Variants in TJP2 observed in about 807,000 individuals in gnomAD.
TJP2 encodes tight junction protein 2.
A neutral mutation model predicts 133.1 loss-of-function variants in TJP2; 91 were observed. The observed-to-expected ratio is 0.68, with a 90% CI of 0.58 to 0.81. The LOEUF is 0.81. TJP2 is among the 40% of genes least tolerant of loss of function. The pLI is 0.00. For missense variants in TJP2, 1,541 were observed against 1,565.6 expected, an observed-to-expected ratio of 0.98 and a Z score of 0.26; for synonymous variants, 592 against 583.4, an observed-to-expected ratio of 1.01 and a Z score of -0.21.
intron 1 of TJP2, chr9:69,205,120 CG>C (rs1827293775): frequency 2.0e-6 from 3 of 1,536,190 alleles, no homozygotes; most frequent in Non-Finnish European, 2.6e-6. Context: ...GTGAGCAGCC[CG>C]GAATGTAGGC....
intron 1 of TJP2, among the ~76,000 whole-genome samples, chr9:69,136,724 A>C (rs1022006470): frequency 6.6e-6 from 1 of 152,126 alleles, no homozygotes; most frequent in African/African-American, 2.4e-5. Flanking sequence ...TCAGCCCATG[A>C]GGGAGAAGGA....
Position 69,221,355 on chromosome 9 carries a change from C to T in TJP2, c.811C>T (p.Arg271Cys). 3.8e-6 allele frequency: 6 copies of T among 1,581,550 alleles called. No homozygotes were observed. The highest frequency in any genetic ancestry group is 5.2e-6 in the Non-Finnish European group (6 of 1,163,916). ...YERAYSPEYRRGARHDARSRG... is the reference protein window; with the variant it reads ...YERAYSPEYRCGARHDARSRG... Reference sequence around the variant, plus strand: ...GCGGGCCTACAGCCCGGAGTACAGGCGCGGGGCCCGCCACGATGCCCGCTC... The same window carrying T: ...GCGGGCCTACAGCCCGGAGTACAGGTGCGGGGCCCGCCACGATGCCCGCTC... The change falls in exon 5 of 23, where the codon CGC becomes TGC. Residue 271 changes from arginine to cysteine, a missense_variant. By Grantham distance (180) the Arg-to-Cys change is radical. Transcript: ENST00000377245.
intron 1 of TJP2, among the ~76,000 whole-genome samples, chr9:69,146,024 C>T (rs1823196564): frequency 6.6e-6 from 1 of 151,724 alleles, no homozygotes; most frequent in Non-Finnish European, 1.5e-5. Context: ...ATTCTAATAC[C>T]CAAGAAGATG....
chr9:69,225,802 G>A (rs1829301620), intron 6 of TJP2, among the ~76,000 whole-genome samples: 1 of 152,190 alleles, frequency 6.6e-6, no homozygotes, highest in Non-Finnish European at 1.5e-5. Context: ...GAGCTTGGAA[G>A]TTAAATAAAT....
chr9:69,245,097 A>G (rs956743171), intron 17 of TJP2, among the ~76,000 whole-genome samples: 77 of 152,338 alleles, frequency 5.1e-4, no homozygotes, highest in Admixed American at 4.8e-3. Flanking sequence ...GAGCACAGTA[A>G]TCTTTGCAGA....
rs1448376083 is a variant in TJP2, at chr9:69,124,205, T to G, written c.-131+2480T>G. 2.8e-5 allele frequency among the ~76,000 whole-genome samples: 2 copies of G among 71,586 alleles called. 1 individual carries two copies. Among genetic ancestry groups the G allele is most frequent in the Non-Finnish European group, 6.3e-5 (2 of 31,892 alleles). The allele number at this position is 71,586 out of a possible 152,430, so 47.0% of individuals were successfully genotyped here. ...TTATTTTATTTTTTGAGACAGAGTC[T>G]TGCTGTGTTTCCAGGCTGGAGTGCA... On this transcript the variant is annotated intron_variant, in intron 1 of 5. Transcript: ENST00000423935.
chr9:69,200,858 G>A (rs961335907), intron 1 of TJP2, among the ~76,000 whole-genome samples: 3 of 152,108 alleles, frequency 2.0e-5, no homozygotes, highest in African/African-American at 7.2e-5. Context: ...ATTTTCCTAG[G>A]ATTAATTCTT....
chr9:69,189,461 T>A (rs1333338644), intron 1 of TJP2, among the ~76,000 whole-genome samples: 1 of 152,120 alleles, frequency 6.6e-6, no homozygotes, highest in Non-Finnish European at 1.5e-5. Flanking sequence ...TCAGATTCAC[T>A]GAGATTCTTG....
chr9:69,146,618 C>G (rs1424349299), intron 1 of TJP2, among the ~76,000 whole-genome samples: 1 of 152,180 alleles, frequency 6.6e-6, no homozygotes, highest in Admixed American at 6.5e-5. Context: ...GAAAATTACC[C>G]ATTGTCCTAT....
chr9:69,178,725 C>T (rs970467629), intron 1 of TJP2, among the ~76,000 whole-genome samples: 1 of 152,198 alleles, frequency 6.6e-6, no homozygotes, highest in African/African-American at 2.4e-5. Context: ...GCCCAATTCT[C>T]ATTCCTTTCT....
At chr9:69,225,942 AT>A in intron 6 of TJP2, 79 bp from the exon 7 acceptor site, 1 of 1,508,370 alleles carries the variant, frequency 6.6e-7, no homozygotes, top group African/African-American at 1.4e-5. Flanking sequence ...AAGCCTTTAC[AT>A]TTTTAGAAGG....
At chr9:69,228,224 G>C (rs1404683826) in intron 9 of TJP2, 110 bp downstream of exon 9, 3 of 1,346,732 alleles carry the variant, frequency 2.2e-6, no homozygotes, top group Non-Finnish European at 3.1e-6. Flanking sequence ...GATGCAGCTG[G>C]AGGCCATTAT....
rs994357573 is a variant in TJP2, at chr9:69,197,980, A to G, written c.61-14568A>G. 2.6e-5 allele frequency among the ~76,000 whole-genome samples: 4 copies of G among 152,348 alleles called. No individual in the cohort carries two copies. In the South Asian group the frequency reaches 8.3e-4, roughly 32 times the overall value. ...TGATGATGCCATCGTTTGATGAAGC[A>G]GCAGTGGAATTGAGTGAGCGCCCAA... On this transcript the variant is annotated intron_variant, in intron 1 of 22. Transcript: ENST00000377245.
At chr9:69,153,782 C>A (rs989264195) in intron 2 of TJP2, among the ~76,000 whole-genome samples, 18 of 152,298 alleles carry the variant, frequency 1.2e-4, no homozygotes, top group African/African-American at 3.4e-4. Context: ...TGTACCTGCA[C>A]TATGAACTGC....
At position 69,237,085 on chromosome 9, in the gene TJP2, G is replaced by T. The variant is rs771853473; in HGVS notation, c.2128G>T (p.Val710Leu). 2.5e-6 allele frequency: 4 copies of T among 1,614,034 alleles called. No homozygotes were observed. The highest frequency in any genetic ancestry group is 2.5e-6 in the Non-Finnish European group (3 of 1,180,042). Residue 710 changes from valine to leucine, a missense_variant, in exon 14 of 23, where the codon GTG becomes TTG. Transcript: ENST00000377245. ...AAGTCGGGAAGACCTCACAGCTGTT[G>T]TGTCTGTCAGCACCAAGTTCCCAGC... Reference protein sequence around the residue: ...RKSREDLTAVVSVSTKFPAYE... With the variant: ...RKSREDLTAVLSVSTKFPAYE...
chr9:69,216,222 T>C, intron 2 of TJP2, 117 bp from the exon 3 acceptor site: 1 of 1,235,704 alleles, frequency 8.1e-7, no homozygotes, highest in Non-Finnish European at 1.2e-6. Context: ...TGTAAGCCCA[T>C]CTGTTCCTGA....
chr9:69,237,021 G>A lies in TJP2; in HGVS notation c.2064G>A (p.Met688Ile). The change falls in exon 14 of 23, where the codon ATG becomes ATA. Residue 688 changes from methionine to isoleucine, a missense_variant. Met to Ile is a conservative substitution (Grantham distance 10). Coordinates refer to ENST00000377245, the MANE Select transcript of TJP2 (RefSeq NM_004817.4). ...NAGDRADFWR[M>I]RGQRSGVKKN... ...GGGACCGGGCAGATTTCTGGAGAATGCGTGGCCAGAGGTCTGGGGTGAAGA... is the reference window on the plus strand; with the variant it reads ...GGGACCGGGCAGATTTCTGGAGAATACGTGGCCAGAGGTCTGGGGTGAAGA... 6.2e-7 allele frequency: 1 copy of A among 1,614,196 alleles called. No individual in the cohort carries two copies. The highest frequency in any genetic ancestry group is 8.5e-7 in the Non-Finnish European group (1 of 1,180,044).
intron 2 of TJP2, 101 bp from the exon 3 acceptor site, chr9:69,216,238 C>A: frequency 7.1e-7 from 1 of 1,412,652 alleles, no homozygotes; most frequent in Non-Finnish European, 9.9e-7. Flanking sequence ...CCTGAACAGT[C>A]TCTGGTTATT....
intron 11 of TJP2, 39 bp from the exon 12 acceptor site, chr9:69,234,400 T>TTCTTTC (rs746671312): frequency 1.5e-5 from 12 of 799,368 alleles, no homozygotes; most frequent in South Asian, 2.1e-5. Flanking sequence ...CTTTCTTTCT[T>TTCTTTC]TTTTTTTTTT....
Sources: allele counts gnomAD v4.1 joint callset (sites outside exome capture counted in the v4.1 genomes callset), GRCh38; gene constraint gnomAD v4.1.1; transcripts MANE v1.5; gene names NCBI Gene and HGNC (gene_info 2026-07-23, HGNC 2026-07-21).